The following ABI1 variants were observed in gnomAD, a reference collection of about 807,000 sequenced individuals.
ABI1 encodes the protein Abelson interactor 1.
In ABI1, 14 loss-of-function variants were observed where a neutral mutation model predicts 54.6. The observed-to-expected ratio is 0.26, with a 90% CI of 0.17 to 0.40. ABI1 has a LOEUF of 0.40. Among genes scored for constraint, ABI1 ranks in the 10% least tolerant of loss-of-function variants. The pLI, the probability that ABI1 is intolerant of heterozygous loss-of-function variation, is 1.00. For synonymous variants in ABI1, 194 were observed against 209.3 expected (o/e 0.93, Z 0.63); for missense variants, 443 against 598.3 (o/e 0.74, Z 2.71).
chr10:26,807,045 A>G (rs1422808153), intron 2 of ABI1, among the ~76,000 whole-genome samples: 5 of 152,174 alleles, frequency 3.3e-5, no homozygotes, highest in African/African-American at 1.2e-4. Flanking sequence ...GTAATTTTAG[A>G]TTACATTTTA....
At chr10:26,840,632 C>A (rs10764650) in intron 1 of ABI1, among the ~76,000 whole-genome samples, 38,869 of 152,056 alleles carry the variant, frequency 0.26, 5,627 homozygotes, top group South Asian at 0.44. Flanking sequence ...GAGTATAAAA[C>A]TTACAAAACT....
chr10:26,772,448 T>C (rs537270433), intron 3 of ABI1, among the ~76,000 whole-genome samples: 1 of 152,268 alleles, frequency 6.6e-6, no homozygotes, highest in South Asian at 2.1e-4. Flanking sequence ...TCATTTGTCA[T>C]TTCAAGTGGA....
intron 1 of ABI1, among the ~76,000 whole-genome samples, chr10:26,855,945 TGG>T (rs2050764465): frequency 7.8e-6 from 1 of 127,794 alleles, no homozygotes; most frequent in African/African-American, 3.1e-5. Context: ...CACTCCAGCC[TGG>T]GTGACAGAGC....
intron 2 of ABI1, among the ~76,000 whole-genome samples, chr10:26,781,500 C>G (rs534584728): frequency 6.6e-6 from 1 of 152,194 alleles, no homozygotes; most frequent in East Asian, 1.9e-4. Context: ...TAAGCTGAGA[C>G]GCTGTGGTGC....
rs112088541 is a variant in ABI1, at chr10:26,769,004, T to G, written c.579-12A>C. ...AAGGAGTATTCCGTCTAAAGGAGCA[T>G]AGTGGAGAAAGGAATAATGAATAAA... is the stretch of plus-strand genomic sequence containing the variant. On this transcript the variant is annotated splice_polypyrimidine_tract_variant and intron_variant, in intron 5 of 10. Transcript: ENST00000376140. 4 of 1,569,708 alleles carry G rather than the reference T, an allele frequency of 2.5e-6. No individual in the cohort carries two copies. Among genetic ancestry groups the G allele is most frequent in the Non-Finnish European group, 3.4e-6 (4 of 1,160,688 alleles).
At chr10:26,818,631 CAAAAA>C (rs376157276) in intron 2 of ABI1, among the ~76,000 whole-genome samples, 42 of 73,084 alleles carry the variant, frequency 5.7e-4, no homozygotes, top group African/African-American at 2.1e-3. Flanking sequence ...GACCCCGTCA[CAAAAA>C]AAAAAAAAAA....
intron 7 of ABI1, among the ~76,000 whole-genome samples, chr10:26,761,661 T>TATATATATATATATACACAC (rs1375832167): frequency 2.0e-4 from 16 of 78,910 alleles, no homozygotes; most frequent in South Asian, 5.1e-4. Flanking sequence ...TATATATATA[T>TATATATATATATATACACAC]ACACACACAC....
chr10:26,835,432 G>C (rs2048998523), intron 1 of ABI1, among the ~76,000 whole-genome samples: 1 of 151,948 alleles, frequency 6.6e-6, no homozygotes, highest in African/African-American at 2.4e-5. Context: ...AAAATTAGCA[G>C]GGTGTGGTGG....
chr10:26,853,190 A>G lies in ABI1; in HGVS notation c.117+7557T>C, dbSNP rs1157969319. On this transcript the variant is annotated intron_variant, in intron 1 of 10. Transcript: ENST00000376140. ...GCGGAGCTTGCAGTGAGCCGAGATC[A>G]CACCACTGCACTCCGGCCTGGGTGA... Among the ~76,000 whole-genome samples, 4 of 141,132 alleles carry G rather than the reference A, an allele frequency of 2.8e-5. No homozygotes were observed. The East Asian group carries it at 6.4e-4, about 23-fold the overall frequency. 92.6% of individuals were successfully genotyped at this position (141,132 alleles called of 152,430 possible). A position where few individuals can be genotyped will look rare whatever the true frequency, so the allele number is the denominator to read the frequency against.
At chr10:26,752,479 T>G (rs532412614) in intron 9 of ABI1, among the ~76,000 whole-genome samples, 7 of 152,270 alleles carry the variant, frequency 4.6e-5, no homozygotes, top group African/African-American at 1.7e-4. Flanking sequence ...GAAAGCAAGC[T>G]AAAATTTTGC....
intron 1 of ABI1, among the ~76,000 whole-genome samples, chr10:26,855,523 C>T (rs1461588567): frequency 6.6e-6 from 1 of 152,158 alleles, no homozygotes; most frequent in African/African-American, 2.4e-5. Flanking sequence ...CACTGTCTGT[C>T]GTGGCGAGTT....
intron 1 of ABI1, among the ~76,000 whole-genome samples, chr10:26,832,252 A>G (rs534932804): frequency 1.3e-5 from 2 of 152,316 alleles, no homozygotes; most frequent in Non-Finnish European, 2.9e-5. Context: ...AATACAGTAT[A>G]TAAGAAACAC....
At chr10:26,764,913 C>G (rs1839726001) in intron 7 of ABI1, among the ~76,000 whole-genome samples, 1 of 152,100 alleles carries the variant, frequency 6.6e-6, no homozygotes, top group African/African-American at 2.4e-5. Flanking sequence ...CGCAGGGGAC[C>G]TTGGAACCAA....
At chr10:26,785,020 G>A (rs1842567730) in intron 2 of ABI1, among the ~76,000 whole-genome samples, 1 of 152,290 alleles carries the variant, frequency 6.6e-6, no homozygotes, top group East Asian at 1.9e-4. Context: ...GCTGGGTCTT[G>A]GACCCTGGGG....
intron 1 of ABI1, among the ~76,000 whole-genome samples, chr10:26,854,301 A>G (rs918559548): frequency 6.6e-6 from 1 of 152,098 alleles, no homozygotes; most frequent in Admixed American, 6.6e-5. Flanking sequence ...AAAAAAGAGA[A>G]GACATTAGTT....
intron 1 of ABI1, among the ~76,000 whole-genome samples, chr10:26,834,533 T>C (rs1183904681): frequency 7.0e-6 from 1 of 143,642 alleles, no homozygotes; most frequent in African/African-American, 2.6e-5. Context: ...GACAGATACT[T>C]CTCAAGACAT....
At chr10:26,785,669 G>T (rs1453025658) in intron 2 of ABI1, among the ~76,000 whole-genome samples, 2 of 151,264 alleles carry the variant, frequency 1.3e-5, no homozygotes, top group Non-Finnish European at 2.9e-5. Context: ...AGGTTGCAGT[G>T]AACCAAGATC....
chr10:26,755,722 AG>A lies in ABI1; in HGVS notation c.1016del (p.Pro339LeufsTer7). 1 of 1,610,800 alleles carries A rather than the reference AG, an allele frequency of 6.2e-7. No individual in the cohort carries two copies. The highest frequency in any genetic ancestry group is 8.5e-7 in the Non-Finnish European group (1 of 1,177,672). ...SQNSISIAPP[P>X]PPMPQLTPQI... ...GTGGAGTCAACTGAGGCATAGGGGGAGGGGGTGGAGCAATAGAAACTGGTAG... is the reference window on the plus strand; with the variant it reads ...GTGGAGTCAACTGAGGCATAGGGGGAGGGGTGGAGCAATAGAAACTGGTAG... On this transcript the variant is annotated frameshift_variant, in exon 9 of 11. Coordinates refer to ENST00000376140, the MANE Select transcript of ABI1 (RefSeq NM_001012750.3). LOFTEE classifies it high-confidence loss of function.
chr10:26,798,374 G>C (rs1844461327), intron 2 of ABI1, among the ~76,000 whole-genome samples: 1 of 152,174 alleles, frequency 6.6e-6, no homozygotes, highest in African/African-American at 2.4e-5. Context: ...CAGAGGGTCA[G>C]TACTGATCAG....
Sources: allele counts gnomAD v4.1 joint callset (sites outside exome capture counted in the v4.1 genomes callset), GRCh38; gene constraint gnomAD v4.1.1; transcripts MANE v1.5; gene names NCBI Gene and HGNC (gene_info 2026-07-23, HGNC 2026-07-21).